Variants in EYS observed in about 807,000 individuals in gnomAD.
EYS encodes the protein EGF-like photoreceptor maintenance factor, also known as protein eyes shut homolog.
Under a neutral mutation model 282.1 loss-of-function variants are expected in EYS, and 250 were observed. The observed-to-expected ratio is 0.89, with a 90% CI of 0.80 to 0.98. The LOEUF (loss-of-function observed/expected upper bound fraction) is 0.98, where lower values mean the gene tolerates loss of function less well. Ranked by LOEUF, EYS falls within the 50% of genes least tolerant of loss-of-function variation. The pLI is 0.00. For synonymous variants in EYS, 1,355 were observed against 1,282.9 expected (o/e 1.06, Z -1.20); for missense variants, 4,016 against 3,709.0 (o/e 1.08, Z -2.15).
At chr6:64,104,723 TTATAA>T (rs1166163695) in intron 31 of EYS, among the ~76,000 whole-genome samples, 1 of 150,348 alleles carries the variant, frequency 6.7e-6, no homozygotes, top group Non-Finnish European at 1.5e-5. Flanking sequence ...TAAAACTCAC[TTATAA>T]TATCTCTCTT....
chr6:65,100,090 T>C (rs555281089), intron 12 of EYS, among the ~76,000 whole-genome samples: 36 of 150,960 alleles, frequency 2.4e-4, no homozygotes, highest in Non-Finnish European at 3.6e-4. Context: ...TTAAGAACTA[T>C]TTACAATGAA....
chr6:64,285,390 C>T (rs895636691), intron 30 of EYS, among the ~76,000 whole-genome samples: 1 of 152,222 alleles, frequency 6.6e-6, no homozygotes, highest in African/African-American at 2.4e-5. Context: ...TAAAACATAA[C>T]AAGAGTTACC....
At chr6:65,662,628 A>AATAATCCATGCTCAGGGTGGATGTGG (rs1429450416) in intron 1 of EYS, among the ~76,000 whole-genome samples, 1 of 152,198 alleles carries the variant, frequency 6.6e-6, no homozygotes, top group Non-Finnish European at 1.5e-5. Context: ...CTTTCAGCTC[A>AATAATCCATGCTCAGGGTGGATGTGG]ATAATCCATG....
At chr6:63,735,507 A>ATG (rs1554165235) in intron 41 of EYS, among the ~76,000 whole-genome samples, 1 of 151,826 alleles carries the variant, frequency 6.6e-6, no homozygotes, top group African/African-American at 2.4e-5. Context: ...ACACACACAC[A>ATG]CACACACACC....
intron 30 of EYS, among the ~76,000 whole-genome samples, chr6:64,282,642 T>G (rs1768349195): frequency 6.6e-6 from 1 of 152,166 alleles, no homozygotes; most frequent in Non-Finnish European, 1.5e-5. Context: ...CACAGATTTC[T>G]TAAGCATAAT....
At chr6:65,047,097 CTT>C (rs1390228188) in intron 13 of EYS, among the ~76,000 whole-genome samples, 2 of 126,218 alleles carry the variant, frequency 1.6e-5, no homozygotes, top group African/African-American at 2.6e-5. Flanking sequence ...AATTAAACCT[CTT>C]TTTTTTTTTT....
At chr6:64,332,971 C>T (rs756061757) in intron 29 of EYS, among the ~76,000 whole-genome samples, 1 of 152,124 alleles carries the variant, frequency 6.6e-6, no homozygotes. Flanking sequence ...GCCATTTATA[C>T]TTTCACCTAT....
chr6:64,513,545 T>G (rs572768116), intron 26 of EYS, among the ~76,000 whole-genome samples: 4 of 151,854 alleles, frequency 2.6e-5, no homozygotes, highest in African/African-American at 9.7e-5. Context: ...CAACAAATGA[T>G]TAAGTGCTAA....
intron 12 of EYS, among the ~76,000 whole-genome samples, chr6:65,205,687 T>C (rs1159693025): frequency 2.0e-5 from 3 of 151,874 alleles, no homozygotes; most frequent in Non-Finnish European, 4.4e-5. Flanking sequence ...TCACATGAAG[T>C]ATTTTCTCAG....
chr6:63,839,905 A>G (rs1771907287), intron 36 of EYS, among the ~76,000 whole-genome samples: 1 of 152,116 alleles, frequency 6.6e-6, no homozygotes, highest in Non-Finnish European at 1.5e-5. Context: ...TAACCATTTT[A>G]ACTGGGGTAA....
intron 30 of EYS, among the ~76,000 whole-genome samples, chr6:64,249,874 C>G (rs1225554657): frequency 1.3e-5 from 2 of 152,204 alleles, no homozygotes; most frequent in Admixed American, 1.3e-4. Flanking sequence ...AATTGGAAGT[C>G]AGAGGCAATG....
chr6:64,578,919 C>A (rs1267155330), intron 26 of EYS, among the ~76,000 whole-genome samples: 1 of 152,028 alleles, frequency 6.6e-6, no homozygotes, highest in Non-Finnish European at 1.5e-5. Context: ...TGATTGATGC[C>A]TATTAAAGTG....
Position 63,721,404 on chromosome 6 carries a change from C to G in EYS, c.8627G>C (p.Gly2876Ala). The G allele has an allele frequency of 6.4e-7, 1 of 1,551,498 alleles. No individual in the cohort carries two copies. The highest frequency in any genetic ancestry group is 8.7e-7 in the Non-Finnish European group (1 of 1,146,830). ...KGGSNVGDCD[G>A]TACGYNTCRN... is the part of the protein sequence containing the mutation. ...GCATGTGTTGTACCCACAGGCTGTC[C>G]CATCACAGTCACCTACATTTGAGCC... The change falls in exon 43 of 43, where the codon GGG becomes GCG. Residue 2876 changes from glycine to alanine, a missense_variant. Transcript: ENST00000503581.
intron 1 of EYS, among the ~76,000 whole-genome samples, chr6:65,704,403 C>T (rs1239242382): frequency 1.3e-5 from 2 of 152,102 alleles, no homozygotes; most frequent in Non-Finnish European, 2.9e-5. Context: ...ACTTCAGAGC[C>T]CATGCTCGAT....
chr6:64,869,057 T>C (rs1258617434), intron 19 of EYS, among the ~76,000 whole-genome samples: 1 of 151,534 alleles, frequency 6.6e-6, no homozygotes, highest in Non-Finnish European at 1.5e-5. Context: ...TTTTCTTAGA[T>C]CTCAGTTGTG....
chr6:64,994,573 T>C (rs893894779), intron 14 of EYS, among the ~76,000 whole-genome samples: 1 of 152,076 alleles, frequency 6.6e-6, no homozygotes, highest in Non-Finnish European at 1.5e-5. Flanking sequence ...GGTTATTAAA[T>C]ATTCTGCAGA....
chr6:64,983,862 C>T (rs1770762781), intron 14 of EYS, among the ~76,000 whole-genome samples: 1 of 151,222 alleles, frequency 6.6e-6, no homozygotes, highest in Non-Finnish European at 1.5e-5. Context: ...TAAAGAAGAC[C>T]AGTCTTTGGC....
At chr6:64,091,172 A>ATATAC (rs1317325137) in intron 31 of EYS, among the ~76,000 whole-genome samples, 1 of 152,198 alleles carries the variant, frequency 6.6e-6, no homozygotes, top group African/African-American at 2.4e-5. Context: ...GATTCCATTA[A>ATATAC]TATACTTAAA....
At chr6:65,340,011 G>A (rs1278136905) in intron 10 of EYS, among the ~76,000 whole-genome samples, 2 of 151,130 alleles carry the variant, frequency 1.3e-5, no homozygotes, top group African/African-American at 2.4e-5. Flanking sequence ...GAGGGAAAGA[G>A]GAAGGTTGTT....
Sources: gnomAD v4.1 joint callset for allele counts (sites outside exome capture counted in the v4.1 genomes callset) on GRCh38, gnomAD v4.1.1 for gene constraint, MANE v1.5 for transcripts, NCBI Gene and HGNC (gene_info 2026-07-23, HGNC 2026-07-21) for gene names.